UBAP2: variants seen among roughly 807,000 people sequenced by gnomAD.
The protein encoded by UBAP2 is ubiquitin associated protein 2.
Under a neutral mutation model 139.6 loss-of-function variants are expected in UBAP2, and 75 were observed. The ratio of observed to expected loss-of-function variants is 0.54; its 90% CI spans 0.45 to 0.65. The LOEUF (loss-of-function observed/expected upper bound fraction) is 0.65. Ranked by LOEUF, UBAP2 falls within the 30% of genes least tolerant of loss-of-function variation. UBAP2 has a pLI of 0.00. For missense variants in UBAP2, 1,368 were observed against 1,369.6 expected, an observed-to-expected ratio of 1.00 and a Z score of 0.02; for synonymous variants, 526 against 526.2, an observed-to-expected ratio of 1.00 and a Z score of 0.01.
chr9:33,957,383 C>T (rs1253433095), intron 10 of UBAP2, among the ~76,000 whole-genome samples: 2 of 152,200 alleles, frequency 1.3e-5, no homozygotes, highest in African/African-American at 4.8e-5. Flanking sequence ...CCCACAATTT[C>T]CACCTGTCCC....
At chr9:33,986,326 A>G (rs371285510) in intron 6 of UBAP2, among the ~76,000 whole-genome samples, 16 of 152,188 alleles carry the variant, frequency 1.1e-4, no homozygotes, top group Non-Finnish European at 2.2e-4. Flanking sequence ...ATGACTACTT[A>G]ACAATTACGT....
At chr9:34,040,035 T>A (rs1200260996) in intron 1 of UBAP2, among the ~76,000 whole-genome samples, 1 of 151,810 alleles carries the variant, frequency 6.6e-6, no homozygotes, top group Non-Finnish European at 1.5e-5. Flanking sequence ...GGCACATGCC[T>A]GTAATCCCAG....
chr9:34,006,755 T>C (rs1823256488), intron 2 of UBAP2, among the ~76,000 whole-genome samples: 1 of 151,910 alleles, frequency 6.6e-6, no homozygotes, highest in African/African-American at 2.4e-5. Context: ...TCTACTCAAG[T>C]ATAAAAGGTA....
chr9:33,939,189 CTTTTTTTT>C (rs72150705), intron 16 of UBAP2, among the ~76,000 whole-genome samples: 1 of 78,584 alleles, frequency 1.3e-5, no homozygotes, highest in Non-Finnish European at 2.3e-5. Context: ...TTTCCTATGT[CTTTTTTTT>C]TTTTTTTTTT....
chr9:34,030,588 A>C (rs1423390058), intron 1 of UBAP2, among the ~76,000 whole-genome samples: 12 of 151,742 alleles, frequency 7.9e-5, no homozygotes, highest in Admixed American at 7.9e-4. Context: ...ACGCCAGTGC[A>C]CTCCTAGTAC....
chr9:34,035,518 T>A lies in UBAP2; in HGVS notation c.-42+13307A>T, dbSNP rs1427557941. Reference sequence around the variant, plus strand: ...CTCCATCTAAAAAAAAAAAAAAATATATATATATAAAGATTAGCCAGGTTT... The same window carrying A: ...CTCCATCTAAAAAAAAAAAAAAATAAATATATATAAAGATTAGCCAGGTTT... On this transcript the variant is annotated intron_variant, in intron 1 of 28. Transcript: ENST00000379238. Among the ~76,000 whole-genome samples the A allele has an allele frequency of 1.1e-3, 43 of 38,462 alleles. 2 individuals are homozygous for A. The highest frequency in any genetic ancestry group is 2.9e-3 in the East Asian group (2 of 694). The allele number at this position is 38,462 out of a possible 152,430, so 25.2% of individuals were successfully genotyped here.
chr9:34,024,282 C>T (rs548712336), intron 1 of UBAP2, among the ~76,000 whole-genome samples: 31 of 150,850 alleles, frequency 2.1e-4, no homozygotes, highest in African/African-American at 5.8e-4. Context: ...GAAGAGGTTG[C>T]GGTGAGCCAA....
chr9:33,958,896 C>A (rs984201502), intron 10 of UBAP2, among the ~76,000 whole-genome samples: 8 of 151,778 alleles, frequency 5.3e-5, no homozygotes, highest in African/African-American at 1.7e-4. Flanking sequence ...TGCCTGTAAT[C>A]CCAGACCTTT....
chr9:33,943,386 A>G, intron 15 of UBAP2, 34 bp downstream of exon 15: 1 of 1,608,392 alleles, frequency 6.2e-7, no homozygotes, highest in Non-Finnish European at 8.5e-7. Flanking sequence ...CTTAGGGTCT[A>G]TTTTGCTTCA....
intron 2 of UBAP2, among the ~76,000 whole-genome samples, chr9:33,999,280 G>A (rs1822478282): frequency 6.6e-6 from 1 of 150,914 alleles, no homozygotes; most frequent in South Asian, 2.1e-4. Flanking sequence ...AATTAGCCTG[G>A]GCAACATAGA....
intron 19 of UBAP2, among the ~76,000 whole-genome samples, chr9:33,930,411 TGC>T (rs1823864917): frequency 6.6e-6 from 1 of 152,148 alleles, no homozygotes; most frequent in Admixed American, 6.6e-5. Context: ...AATGGACGGC[TGC>T]TTAAATAACC....
intron 1 of UBAP2, among the ~76,000 whole-genome samples, chr9:34,018,015 A>C (rs1018061295): frequency 6.6e-6 from 1 of 152,132 alleles, no homozygotes; most frequent in Non-Finnish European, 1.5e-5. Context: ...GCACATAATT[A>C]AGTATGTCAT....
chr9:33,923,701 C>A, intron 24 of UBAP2, 94 bp downstream of exon 24: 2 of 1,370,666 alleles, frequency 1.5e-6, no homozygotes, highest in Non-Finnish European at 1.0e-6. Flanking sequence ...AGTGGAATCA[C>A]AACCCTCCCT....
At chr9:33,981,846 A>G (rs981469915) in intron 6 of UBAP2, among the ~76,000 whole-genome samples, 7 of 104,706 alleles carry the variant, frequency 6.7e-5, no homozygotes, top group South Asian at 3.7e-4. Flanking sequence ...AAGGGGGGAA[A>G]GGGAGGGAGG....
chr9:33,968,477 G>T, intron 8 of UBAP2: 1 of 546,214 alleles, frequency 1.8e-6, no homozygotes, highest in South Asian at 1.5e-5. Flanking sequence ...CTTCAGGTTG[G>T]GACATTTGAG....
chr9:34,022,564 T>C (rs947441600), intron 1 of UBAP2, among the ~76,000 whole-genome samples: 3 of 150,986 alleles, frequency 2.0e-5, no homozygotes, highest in Non-Finnish European at 4.4e-5. Context: ...GCCTCCCAAG[T>C]AGCTGGGACT....
intron 1 of UBAP2, among the ~76,000 whole-genome samples, chr9:34,045,202 C>T (rs906884426): frequency 2.0e-5 from 3 of 151,730 alleles, no homozygotes; most frequent in South Asian, 2.1e-4. Context: ...AAAAATTAGC[C>T]GGGCGTGGCG....
chr9:34,021,727 G>A (rs946551503), intron 1 of UBAP2, among the ~76,000 whole-genome samples: 5 of 150,222 alleles, frequency 3.3e-5, no homozygotes, highest in South Asian at 4.2e-4. Flanking sequence ...TCCGTCTCCC[G>A]GGTTCAGGCG....
intron 13 of UBAP2, 62 bp downstream of exon 13, chr9:33,948,312 A>G (rs1183670710): frequency 2.8e-6 from 4 of 1,429,230 alleles, no homozygotes; most frequent in Non-Finnish European, 2.8e-6. Context: ...ACAAGTCAAC[A>G]CACTCTGCCA....
Sources: allele counts gnomAD v4.1 joint callset (sites outside exome capture counted in the v4.1 genomes callset), GRCh38; gene constraint gnomAD v4.1.1; transcripts MANE v1.5; gene names NCBI Gene and HGNC (gene_info 2026-07-23, HGNC 2026-07-21).